Variants in OTOF observed in about 807,000 individuals in gnomAD.
OTOF encodes the protein fer-1-like family member 2.
OTOF carries 218 observed loss-of-function variants against 236.8 expected under a neutral mutation model. The observed-to-expected ratio is 0.92, with a 90% CI of 0.82 to 1.03. OTOF has a LOEUF of 1.03. OTOF is among the 50% of genes least tolerant of loss of function. OTOF has a pLI of 0.00. For missense variants in OTOF, 2,590 were observed against 2,694.4 expected, an observed-to-expected ratio of 0.96 and a Z score of 0.86; for synonymous variants, 1,041 against 1,072.5, an observed-to-expected ratio of 0.97 and a Z score of 0.57.
At chr2:26,507,168 T>C (rs948647953) in intron 5 of OTOF, among the ~76,000 whole-genome samples, 2 of 152,242 alleles carry the variant, frequency 1.3e-5, no homozygotes, top group African/African-American at 4.8e-5. Context: ...TTTGTCCCTT[T>C]ATTAAAAATG....
chr2:26,467,292 CA>C, intron 34 of OTOF, 59 bp from the exon 35 acceptor site: 1 of 1,613,684 alleles, frequency 6.2e-7, no homozygotes, highest in Non-Finnish European at 8.5e-7. Context: ...TGTCCTGCCC[CA>C]CCTGCAGGAT....
At chr2:26,537,529 A>T (rs776434687) in intron 2 of OTOF, among the ~76,000 whole-genome samples, 187 bp downstream of exon 2, 5 of 152,152 alleles carry the variant, frequency 3.3e-5, no homozygotes, top group Admixed American at 6.5e-5. Context: ...TCTGGGGGGA[A>T]CATGGGGGAG....
intron 38 of OTOF, 89 bp from the exon 39 acceptor site, chr2:26,465,118 G>T: frequency 8.2e-7 from 1 of 1,213,264 alleles, no homozygotes; most frequent in South Asian, 1.9e-5. Flanking sequence ...CTCTAAAGTT[G>T]GCTGTTGCCC....
intron 1 of OTOF, among the ~76,000 whole-genome samples, chr2:26,540,510 C>G (rs1667186805): frequency 6.6e-6 from 1 of 152,234 alleles, no homozygotes; most frequent in African/African-American, 2.4e-5. Context: ...GCAAAGCAGG[C>G]TCGTTCCCTC....
Position 26,465,669 on chromosome 2 carries a change from T to A in OTOF, c.4799+3A>T. 4.3e-6 allele frequency: 7 copies of A among 1,614,208 alleles called. No homozygotes were observed. The highest frequency in any genetic ancestry group is 5.9e-6 in the Non-Finnish European group (7 of 1,179,990). ...CCCGCCCTCTGCCCCATGCCCCACA[T>A]ACGTGGAGTAGGTCTGGGCGATGCC... On this transcript the variant is annotated splice_donor_region_variant and intron_variant, in intron 38 of 46. Transcript: ENST00000272371.
intron 24 of OTOF, 143 bp downstream of exon 24, chr2:26,475,771 C>T: frequency 1.8e-6 from 2 of 1,104,296 alleles, no homozygotes; most frequent in African/African-American, 1.6e-5. Flanking sequence ...ATCTGCAGGG[C>T]TTCCCCTGAG....
intron 30 of OTOF, 155 bp downstream of exon 30, chr2:26,472,364 G>A: frequency 2.2e-6 from 2 of 907,338 alleles, no homozygotes; most frequent in Non-Finnish European, 3.7e-6. Flanking sequence ...GGAGGGAGCT[G>A]TTTGGACACA....
chr2:26,459,435 C>T lies in OTOF; in HGVS notation c.*17+573G>A, dbSNP rs553635302. On this transcript the variant is annotated intron_variant, in intron 46 of 46. Transcript: ENST00000272371. The stretch of plus-strand genomic sequence containing the variant: ...GGCGTGGTGGCGGGTGCCTGTAGTC[C>T]CAGCTACTCAGGAGGCTGAGGCAGG... Among the ~76,000 whole-genome samples the T allele has an allele frequency of 9.2e-5, 14 of 152,000 alleles. No individual in the cohort carries two copies. The South Asian group carries it at 2.9e-3, about 32-fold the overall frequency.
intron 9 of OTOF, among the ~76,000 whole-genome samples, chr2:26,490,957 G>A (rs544605404): frequency 5.9e-5 from 9 of 152,170 alleles, no homozygotes; most frequent in Non-Finnish European, 8.8e-5. Context: ...CTGGGGAGGC[G>A]GGTGGGGATA....
Position 26,507,870 on chromosome 2 carries a change from T to G in OTOF, c.510-4025A>C, listed in dbSNP as rs983118144. Among the ~76,000 whole-genome samples the G allele has an allele frequency of 2.1e-4, 32 of 152,198 alleles. No individual in the cohort carries two copies. In the South Asian group the frequency reaches 2.5e-3, roughly 12 times the overall value. On this transcript the variant is annotated intron_variant, in intron 5 of 46. Coordinates refer to ENST00000272371, the MANE Select transcript of OTOF (RefSeq NM_194248.3). The stretch of plus-strand genomic sequence containing the variant: ...AGAGGAAAAAAATGCTAAAATTAGT[T>G]CACTTATTGTAAACTATAAATCTGA...
intron 6 of OTOF, among the ~76,000 whole-genome samples, chr2:26,502,725 A>G (rs1666147347): frequency 6.6e-6 from 1 of 152,206 alleles, no homozygotes; most frequent in African/African-American, 2.4e-5. Flanking sequence ...TAAAGAATCC[A>G]TACTTTTGCA....
At chr2:26,503,956 C>T (rs946543260) in intron 5 of OTOF, 111 bp from the exon 6 acceptor site, 3 of 957,020 alleles carry the variant, frequency 3.1e-6, no homozygotes, top group Middle Eastern at 2.1e-4. Flanking sequence ...GGAGATGGAC[C>T]CGGCCCCTCA....
chr2:26,506,128 A>G (rs1033171090), intron 5 of OTOF, among the ~76,000 whole-genome samples: 23 of 152,162 alleles, frequency 1.5e-4, no homozygotes, highest in Non-Finnish European at 2.5e-4. Context: ...GACCCCTGCC[A>G]TAGGCCCAGC....
At position 26,460,942 on chromosome 2, in the gene OTOF, G is replaced by A. The variant is rs1378428614; in HGVS notation, c.5622C>T (p.Asp1874=). The A allele has an allele frequency of 9.9e-6, 16 of 1,613,938 alleles. No homozygotes were observed. Among genetic ancestry groups the A allele is most frequent in the East Asian group, 2.2e-5 (1 of 44,876 alleles). Residue 1874 remains aspartate, a synonymous_variant, in exon 44 of 47, where the codon GAC becomes GAT. Transcript: ENST00000272371. The surrounding 1 kb of genome is among the most constrained non-coding windows in gnomAD (Gnocchi z 5.3). ...GCTTGAAGATGGACACGAGGGGCAC[G>A]TCCACCTCCCCGGTGGCCATCTCCA... ...CTMEMATGEV[D]VPLVSIFKQK... is the part of the protein sequence containing the mutation.
At chr2:26,485,020 C>T (rs887160251) in intron 11 of OTOF, among the ~76,000 whole-genome samples, 7 of 152,218 alleles carry the variant, frequency 4.6e-5, no homozygotes, top group African/African-American at 1.7e-4. Context: ...TCCTGCTCCC[C>T]ATCTTCAGCC....
intron 26 of OTOF, among the ~76,000 whole-genome samples, 186 bp downstream of exon 26, chr2:26,474,327 C>CCCCCAGG (rs1371705714): frequency 2.8e-5 from 4 of 144,762 alleles, no homozygotes; most frequent in Non-Finnish European, 6.1e-5. Flanking sequence ...AGGCCCTAAC[C>CCCCCAGG]CCCCAGGCCC....
At chr2:26,459,552 CA>C (rs58695074) in intron 46 of OTOF, among the ~76,000 whole-genome samples, 3,823 of 69,214 alleles carry the variant, frequency 0.055, 73 homozygotes, top group African/African-American at 0.14. Context: ...ACTCTGTCTC[CA>C]AAAAAAAAAA....
intron 11 of OTOF, among the ~76,000 whole-genome samples, chr2:26,486,629 G>T (rs548134099): frequency 2.6e-5 from 4 of 152,332 alleles, no homozygotes; most frequent in South Asian, 4.1e-4. Context: ...AGGTTACAGG[G>T]TGACAGATTT....
Position 26,476,876 on chromosome 2 carries a change from T to A in OTOF, c.2676+15A>T. ...AAAGGACCCAGGCCCCCATCCATCCTGCCCCCTCCAGCACCTTAAGGAAGA... is the reference window on the plus strand; with the variant it reads ...AAAGGACCCAGGCCCCCATCCATCCAGCCCCCTCCAGCACCTTAAGGAAGA... On this transcript the variant is annotated intron_variant, in intron 22 of 46. Coordinates refer to ENST00000272371, the MANE Select transcript of OTOF (RefSeq NM_194248.3). 1 of 1,605,466 alleles carries A rather than the reference T, an allele frequency of 6.2e-7. No homozygotes were observed. Among genetic ancestry groups the A allele is most frequent in the Non-Finnish European group, 8.5e-7 (1 of 1,178,968 alleles).
Sources: allele counts gnomAD v4.1 joint callset (sites outside exome capture counted in the v4.1 genomes callset), GRCh38; gene constraint gnomAD v4.1.1; non-coding constraint Gnocchi (gnomAD v3.1); transcripts MANE v1.5; gene names NCBI Gene and HGNC (gene_info 2026-07-23, HGNC 2026-07-21).